The following SMAP2 variants were observed in gnomAD, a reference collection of about 807,000 sequenced individuals.
The protein encoded by SMAP2 is stromal membrane-associated protein 2.
Under a neutral mutation model 56.4 loss-of-function variants are expected in SMAP2, and 25 were observed. The observed-to-expected ratio is 0.44, with a 90% confidence interval of 0.32 to 0.62. SMAP2 has a LOEUF of 0.62. Among genes scored for constraint, SMAP2 ranks in the 20% least tolerant of loss-of-function variants. The pLI, the probability that SMAP2 is intolerant of heterozygous loss-of-function variation, is 0.04. For missense variants in SMAP2, 388 were observed against 545.6 expected, an observed-to-expected ratio of 0.71 and a Z score of 2.88; for synonymous variants, 157 against 181.7, an observed-to-expected ratio of 0.86 and a Z score of 1.09.
chr1:40,412,898 CACTT>C (rs1644951088), intron 4 of SMAP2, 114 bp from the exon 5 acceptor site: 4 of 710,468 alleles, frequency 5.6e-6, no homozygotes, highest in Non-Finnish European at 6.9e-6. Flanking sequence ...GCTTGTCAGA[CACTT>C]ACGTCAGAAT....
chr1:40,399,636 A>G (rs1303495844), intron 1 of SMAP2, among the ~76,000 whole-genome samples: 1 of 151,150 alleles, frequency 6.6e-6, no homozygotes, highest in Non-Finnish European at 1.5e-5. Flanking sequence ...TGACAGCCCA[A>G]GGCTGCTGTG....
At chr1:40,379,287 C>T (rs1223098520) in intron 1 of SMAP2, among the ~76,000 whole-genome samples, 1 of 152,062 alleles carries the variant, frequency 6.6e-6, no homozygotes, top group Non-Finnish European at 1.5e-5. Context: ...TCGGCAATTT[C>T]TTACGTGACT....
chr1:40,345,905 A>ATTATC (rs1232791676), intron 1 of SMAP2, among the ~76,000 whole-genome samples: 4 of 134,940 alleles, frequency 3.0e-5, no homozygotes, highest in African/African-American at 1.1e-4. Flanking sequence ...ATTATATTAT[A>ATTATC]TTATATTATA....
chr1:40,410,084 A>C (rs1557458136), intron 4 of SMAP2, among the ~76,000 whole-genome samples: 1 of 152,006 alleles, frequency 6.6e-6, no homozygotes, highest in Non-Finnish European at 1.5e-5. Context: ...CTCTACAAAA[A>C]ATTTAAAAAT....
At chr1:40,360,700 C>G (rs1189797894) in intron 1 of SMAP2, among the ~76,000 whole-genome samples, 2 of 152,158 alleles carry the variant, frequency 1.3e-5, no homozygotes, top group Non-Finnish European at 1.5e-5. Context: ...AGAAGGAGAG[C>G]ACAGTGATTG....
intron 1 of SMAP2, among the ~76,000 whole-genome samples, chr1:40,398,409 T>TA (rs1338918606): frequency 7.9e-6 from 1 of 127,378 alleles, no homozygotes; most frequent in African/African-American, 2.7e-5. Context: ...ATTCATATTT[T>TA]AAAAAAAATG....
At chr1:40,376,826 T>G (rs908334959) in intron 1 of SMAP2, among the ~76,000 whole-genome samples, 1 of 152,252 alleles carries the variant, frequency 6.6e-6, no homozygotes, top group African/African-American at 2.4e-5. Context: ...GAGTGATTGC[T>G]CATCTATTAA....
chr1:40,355,275 A>G (rs902201593), intron 1 of SMAP2, among the ~76,000 whole-genome samples: 7 of 152,154 alleles, frequency 4.6e-5, no homozygotes, highest in African/African-American at 1.4e-4. Flanking sequence ...GCCTCTGACT[A>G]GTTTTCAAGG....
At chr1:40,360,501 C>T (rs928575882) in intron 1 of SMAP2, among the ~76,000 whole-genome samples, 2 of 151,852 alleles carry the variant, frequency 1.3e-5, no homozygotes, top group African/African-American at 4.8e-5. Context: ...CATGGTTTTG[C>T]CATGTTGGCC....
intron 1 of SMAP2, chr1:40,375,142 T>C (rs534441882): frequency 2.0e-5 from 19 of 945,856 alleles, no homozygotes; most frequent in South Asian, 1.5e-4. Context: ...AGTGAAATGT[T>C]GGCACTTGAC....
intron 1 of SMAP2, among the ~76,000 whole-genome samples, chr1:40,345,530 A>G (rs189699086): frequency 9.2e-5 from 14 of 152,096 alleles, no homozygotes; most frequent in African/African-American, 3.4e-4. Flanking sequence ...ATGTTGCCCA[A>G]TGCCCAGGCT....
intron 7 of SMAP2, among the ~76,000 whole-genome samples, chr1:40,415,818 G>A (rs1023966132): frequency 5.9e-5 from 9 of 152,148 alleles, no homozygotes; most frequent in African/African-American, 2.2e-4. Context: ...AACCTGCAAA[G>A]TGGAAATTTT....
At chr1:40,351,668 T>A (rs1644409479) in intron 1 of SMAP2, among the ~76,000 whole-genome samples, 1 of 152,100 alleles carries the variant, frequency 6.6e-6, no homozygotes, top group Admixed American at 6.6e-5. Context: ...CAAGCCCGGC[T>A]AATTTTGTAT....
intron 8 of SMAP2, among the ~76,000 whole-genome samples, 155 bp from the exon 9 acceptor site, chr1:40,416,625 G>T (rs997028976): frequency 2.6e-5 from 4 of 152,202 alleles, no homozygotes; most frequent in Non-Finnish European, 5.9e-5. Flanking sequence ...GCTATAGCAG[G>T]CCTCGTAGGG....
intron 1 of SMAP2, among the ~76,000 whole-genome samples, chr1:40,391,680 G>A (rs1644718541): frequency 6.6e-6 from 1 of 152,162 alleles, no homozygotes; most frequent in East Asian, 1.9e-4. Context: ...GGAGGATGAA[G>A]AGCAATCTCA....
intron 1 of SMAP2, among the ~76,000 whole-genome samples, chr1:40,399,471 T>C (rs1443752083): frequency 6.6e-6 from 1 of 151,326 alleles, no homozygotes; most frequent in Non-Finnish European, 1.5e-5. Context: ...ATTTCTTTTT[T>C]TTTTCTTTTC....
In SMAP2 at chr1:40,400,699, G is replaced by C. The variant is rs1417199311; in HGVS notation, c.104-6037G>C. Among the ~76,000 whole-genome samples, 3 of 152,294 alleles carry C rather than the reference G, an allele frequency of 2.0e-5. No homozygotes were observed. The East Asian group carries it at 5.8e-4, about 29-fold the overall frequency. The stretch of plus-strand genomic sequence containing the variant: ...AGCAAGAGATTGAGAGCTTAGTTTG[G>C]AATATGCTATTCAGAAAATGTGCAC... On this transcript the variant is annotated intron_variant, in intron 1 of 9. Transcript: ENST00000372718.
intron 1 of SMAP2, among the ~76,000 whole-genome samples, chr1:40,388,529 T>G (rs969096050): frequency 6.6e-6 from 1 of 151,990 alleles, no homozygotes; most frequent in Non-Finnish European, 1.5e-5. Flanking sequence ...ATCTAGCTAC[T>G]CTTGGTGGGG....
chr1:40,422,732 A>C lies in SMAP2; in HGVS notation c.*631A>C, dbSNP rs1490771235. 1 of 152,652 alleles carries C rather than the reference A, an allele frequency of 6.6e-6. No homozygotes were observed. Among genetic ancestry groups the C allele is most frequent in the Non-Finnish European group, 1.5e-5 (1 of 68,392 alleles). The allele number at this position is 152,652 out of a possible 1,614,324, so 9.5% of individuals were successfully genotyped here. ...CTGGGGCTTCAGGACTTGCTGCTTC[A>C]GTCAGCCTTTATTAGCACCAAAGAC... is the stretch of plus-strand genomic sequence containing the variant. On this transcript the variant is annotated 3_prime_UTR_variant, in exon 10 of 10. Transcript: ENST00000372718.
Sources: gnomAD v4.1 joint callset for allele counts (sites outside exome capture counted in the v4.1 genomes callset) on GRCh38, gnomAD v4.1.1 for gene constraint, MANE v1.5 for transcripts, NCBI Gene and HGNC (gene_info 2026-07-23, HGNC 2026-07-21) for gene names.